INPP4B: variants seen among roughly 807,000 people sequenced by gnomAD.
INPP4B encodes inositol polyphosphate 4-phosphatase type II.
In INPP4B, 55 loss-of-function variants were observed where a neutral mutation model predicts 122.5. The observed-to-expected ratio is 0.45, with a 90% CI of 0.36 to 0.56. INPP4B has a LOEUF of 0.56. Among genes scored for constraint, INPP4B ranks in the 20% least tolerant of loss-of-function variants. The pLI is 0.00. For synonymous variants in INPP4B, 403 were observed against 388.7 expected (o/e 1.04, Z -0.43); for missense variants, 1,000 against 1,097.7 (o/e 0.91, Z 1.26).
At chr4:142,143,539 G>A (rs1270423653) in intron 18 of INPP4B, among the ~76,000 whole-genome samples, 1 of 151,910 alleles carries the variant, frequency 6.6e-6, no homozygotes, top group East Asian at 1.9e-4. Flanking sequence ...ACATCACGGT[G>A]AACCCCATAA....
chr4:142,496,117 AC>A (rs1202247244), intron 2 of INPP4B, among the ~76,000 whole-genome samples: 2 of 152,146 alleles, frequency 1.3e-5, no homozygotes, highest in Non-Finnish European at 2.9e-5. Context: ...ATTACTTACT[AC>A]AGTCTACTTT....
At chr4:142,159,972 C>T (rs1819291730) in intron 17 of INPP4B, among the ~76,000 whole-genome samples, 1 of 151,962 alleles carries the variant, frequency 6.6e-6, no homozygotes, top group Non-Finnish European at 1.5e-5. Context: ...AGAACCAAAA[C>T]ACTGGATTGC....
chr4:142,041,489 G>A (rs1200996020), intron 25 of INPP4B, among the ~76,000 whole-genome samples: 1 of 151,888 alleles, frequency 6.6e-6, no homozygotes, highest in Non-Finnish European at 1.5e-5. Context: ...TTGGTGGCGG[G>A]CACCTGTAAT....
intron 15 of INPP4B, among the ~76,000 whole-genome samples, chr4:142,184,842 T>C (rs1294403343): frequency 6.6e-6 from 1 of 152,070 alleles, no homozygotes; most frequent in Non-Finnish European, 1.5e-5. Context: ...GGTGTCATGG[T>C]GCAAGATGAA....
chr4:142,601,850 T>A (rs904876778), intron 2 of INPP4B, among the ~76,000 whole-genome samples: 3 of 150,614 alleles, frequency 2.0e-5, no homozygotes, highest in Non-Finnish European at 4.4e-5. Flanking sequence ...GGGCCTATAG[T>A]CCTAGCTACT....
chr4:142,450,977 C>T (rs913838415), intron 3 of INPP4B, among the ~76,000 whole-genome samples: 61 of 148,572 alleles, frequency 4.1e-4, no homozygotes, highest in Admixed American at 1.6e-3. Flanking sequence ...AAATTAACTC[C>T]CCCCCCCAAA....
At chr4:142,101,533 T>G (rs562428921) in intron 23 of INPP4B, among the ~76,000 whole-genome samples, 1 of 152,154 alleles carries the variant, frequency 6.6e-6, no homozygotes, top group Non-Finnish European at 1.5e-5. Context: ...GTACAAGGTA[T>G]CTGTTAACAT....
At chr4:142,304,776 A>G (rs1272176823) in intron 9 of INPP4B, among the ~76,000 whole-genome samples, 1 of 152,192 alleles carries the variant, frequency 6.6e-6, no homozygotes, top group East Asian at 1.9e-4. Context: ...CATAATTATG[A>G]AAGTTACTAT....
chr4:142,596,509 C>T (rs928878876), intron 2 of INPP4B, among the ~76,000 whole-genome samples: 8 of 152,190 alleles, frequency 5.3e-5, no homozygotes, highest in Admixed American at 6.5e-5. Flanking sequence ...AGCAGAAGAG[C>T]CATCCAAAAA....
chr4:142,638,656 AC>A (rs1188226552), intron 2 of INPP4B, among the ~76,000 whole-genome samples: 1 of 148,612 alleles, frequency 6.7e-6, no homozygotes, highest in Non-Finnish European at 1.5e-5. Context: ...CCATTCTCCC[AC>A]CTCAGCCTCC....
At chr4:142,640,966 C>T (rs1750260290) in intron 2 of INPP4B, among the ~76,000 whole-genome samples, 1 of 152,172 alleles carries the variant, frequency 6.6e-6, no homozygotes, top group Non-Finnish European at 1.5e-5. Context: ...CTCTGACTTA[C>T]TGCTGCTGAT....
intron 1 of INPP4B, among the ~76,000 whole-genome samples, chr4:142,735,437 A>T (rs1206089203): frequency 2.0e-5 from 3 of 152,172 alleles, no homozygotes; most frequent in Non-Finnish European, 4.4e-5. Context: ...GTACTGCCAA[A>T]CAGAAACCAG....
chr4:142,034,416 C>T (rs1195647380), intron 25 of INPP4B, among the ~76,000 whole-genome samples: 2 of 152,090 alleles, frequency 1.3e-5, no homozygotes, highest in African/African-American at 2.4e-5. Flanking sequence ...GAGGCTGGGC[C>T]CTGGCTCTTT....
At chr4:142,325,555 T>G (rs1303245551) in intron 7 of INPP4B, among the ~76,000 whole-genome samples, 3 of 150,310 alleles carry the variant, frequency 2.0e-5, no homozygotes, top group African/African-American at 7.3e-5. Context: ...CTCTACCAAA[T>G]TATGTATACA....
At chr4:142,306,078 C>A in intron 8 of INPP4B, 1 of 255,624 alleles carries the variant, frequency 3.9e-6, no homozygotes, top group Non-Finnish European at 6.2e-6. Flanking sequence ...TAGCATGGGA[C>A]AATTTCATTC....
intron 5 of INPP4B, among the ~76,000 whole-genome samples, chr4:142,422,122 C>T (rs1295203143): frequency 6.6e-6 from 1 of 152,008 alleles, no homozygotes; most frequent in Non-Finnish European, 1.5e-5. Flanking sequence ...ATAGTATGAA[C>T]TCAGACTCCT....
At chr4:142,685,926 A>C (rs1759282613) in intron 2 of INPP4B, among the ~76,000 whole-genome samples, 1 of 152,088 alleles carries the variant, frequency 6.6e-6, no homozygotes, top group Non-Finnish European at 1.5e-5. Context: ...ACTATAAATA[A>C]ATATTTGATT....
At chr4:142,305,756 C>A (rs1472149754) in intron 8 of INPP4B, 2 of 1,369,486 alleles carry the variant, frequency 1.5e-6, no homozygotes, top group Non-Finnish European at 1.9e-6. Context: ...AGAAAAGAGA[C>A]CAACAGGCTA....
At chr4:142,221,358 C>G (rs958943376) in intron 12 of INPP4B, among the ~76,000 whole-genome samples, 4 of 141,470 alleles carry the variant, frequency 2.8e-5, no homozygotes, top group African/African-American at 5.4e-5. Flanking sequence ...CCACTGCACT[C>G]CAGCCTGGGT....
Sources: gnomAD v4.1 joint callset for allele counts (sites outside exome capture counted in the v4.1 genomes callset) on GRCh38, gnomAD v4.1.1 for gene constraint, MANE v1.5 for transcripts, NCBI Gene and HGNC (gene_info 2026-07-23, HGNC 2026-07-21) for gene names.